The following CSMD2 variants were observed in gnomAD, a reference collection of about 807,000 sequenced individuals.
CSMD2 encodes CUB and sushi domain-containing protein 2.
In CSMD2, 130 loss-of-function variants were observed where a neutral mutation model predicts 398.5. The ratio of observed to expected loss-of-function variants is 0.33; its 90% CI spans 0.28 to 0.38. CSMD2 has a LOEUF of 0.38. Among genes scored for constraint, CSMD2 ranks in the 10% least tolerant of loss-of-function variants. CSMD2 has a pLI of 1.00. For missense variants in CSMD2, 3,829 were observed against 4,764.9 expected (o/e 0.80, Z 5.78); for synonymous variants, 1,828 against 1,908.5 (o/e 0.96, Z 1.10).
intron 2 of CSMD2, among the ~76,000 whole-genome samples, chr1:34,059,086 A>C (rs1419106966): frequency 1.3e-5 from 2 of 152,196 alleles, no homozygotes; most frequent in East Asian, 3.9e-4. Flanking sequence ...GACACAAGTA[A>C]GTGAGCAATG....
At chr1:34,058,168 A>G (rs1654069591) in intron 2 of CSMD2, among the ~76,000 whole-genome samples, 1 of 152,024 alleles carries the variant, frequency 6.6e-6, no homozygotes, top group South Asian at 2.1e-4. Flanking sequence ...TGCATCACAT[A>G]GGAGCTGGGT....
intron 2 of CSMD2, among the ~76,000 whole-genome samples, chr1:34,048,322 C>A (rs1464466191): frequency 1.3e-5 from 2 of 152,228 alleles, no homozygotes; most frequent in African/African-American, 4.8e-5. Context: ...TCTGTCAAGG[C>A]AGCCCTTAAA....
At chr1:33,984,860 A>AAGGC (rs149716735) in intron 3 of CSMD2, among the ~76,000 whole-genome samples, 66 of 149,830 alleles carry the variant, frequency 4.4e-4, no homozygotes, top group African/African-American at 6.7e-4. Context: ...GGAAGGAAGG[A>AAGGC]AGGCAGGCAG....
intron 3 of CSMD2, among the ~76,000 whole-genome samples, chr1:34,004,006 G>T (rs1264026004): frequency 1.3e-5 from 2 of 152,136 alleles, no homozygotes; most frequent in Admixed American, 1.3e-4. Context: ...CTGCCCTCTA[G>T]CCCCAGGAGA....
intron 13 of CSMD2, among the ~76,000 whole-genome samples, chr1:33,746,057 T>C (rs1325882748): frequency 1.3e-5 from 2 of 152,116 alleles, no homozygotes; most frequent in African/African-American, 4.8e-5. Flanking sequence ...CCCCCCACCA[T>C]GTCTCTCAGT....
chr1:33,689,227 G>A (rs1321708146), intron 25 of CSMD2, among the ~76,000 whole-genome samples: 1 of 152,154 alleles, frequency 6.6e-6, no homozygotes, highest in Non-Finnish European at 1.5e-5. Context: ...GTGGGAGAAT[G>A]AGGAAGGGAC....
intron 65 of CSMD2, among the ~76,000 whole-genome samples, chr1:33,526,843 C>T (rs1274271287): frequency 6.6e-6 from 1 of 152,222 alleles, no homozygotes; most frequent in Non-Finnish European, 1.5e-5. Flanking sequence ...CTATCTTAAA[C>T]TGTAACCATT....
intron 25 of CSMD2, among the ~76,000 whole-genome samples, chr1:33,683,947 C>T (rs141761130): frequency 5.3e-5 from 8 of 152,186 alleles, no homozygotes; most frequent in African/African-American, 1.7e-4. Flanking sequence ...CAGAAATAAA[C>T]CCTCTGGAAG....
Position 33,725,524 on chromosome 1 carries a change from C to T in CSMD2, c.2520G>A (p.Glu840=), listed in dbSNP as rs1202740588. The change falls in exon 17 of 71, where the codon GAG becomes GAA. Residue 840 remains glutamate, a synonymous_variant. Transcript: ENST00000373381. The part of the protein sequence containing the change: ...IKITFDRFKT[E]VNYDTLEVRD... Reference sequence around the variant, plus strand: ...GTACTTCCAGGGTGTCATAGTTGACCTCGGTTTTGAATCTGCCAAATGACA... The same window carrying T: ...GTACTTCCAGGGTGTCATAGTTGACTTCGGTTTTGAATCTGCCAAATGACA... 1.2e-6 allele frequency: 2 copies of T among 1,614,006 alleles called. No homozygotes were observed. The highest frequency in any genetic ancestry group is 2.7e-5 in the African/African-American group (2 of 74,910).
chr1:34,103,063 A>G (rs1229950719), intron 1 of CSMD2, among the ~76,000 whole-genome samples: 3 of 152,144 alleles, frequency 2.0e-5, no homozygotes, highest in Admixed American at 2.0e-4. Context: ...ATAAATGAAT[A>G]TTAATTGCCC....
chr1:33,787,442 C>A (rs1026963635), intron 12 of CSMD2, among the ~76,000 whole-genome samples: 13 of 152,166 alleles, frequency 8.5e-5, no homozygotes, highest in African/African-American at 3.1e-4. Context: ...CCCTAGTAGC[C>A]ACCTAGTCAT....
chr1:34,148,490 AATTCATTC>A (rs146702321), intron 1 of CSMD2, among the ~76,000 whole-genome samples: 1 of 152,150 alleles, frequency 6.6e-6, no homozygotes, highest in South Asian at 2.1e-4. Context: ...CTTGACGTGT[AATTCATTC>A]ATTCATTCAT....
In CSMD2 at chr1:33,867,860, G is replaced by T. The variant is rs1280963562; in HGVS notation, c.921-20864C>A. On this transcript the variant is annotated intron_variant, in intron 5 of 70. Transcript: ENST00000373381. ...TACCACACTCCTCTCTGGGAAGAGGGCCCCCACACAGCTAGGCCCCAGCTC... is the reference window on the plus strand; with the variant it reads ...TACCACACTCCTCTCTGGGAAGAGGTCCCCCACACAGCTAGGCCCCAGCTC... Among the ~76,000 whole-genome samples the T allele has an allele frequency of 2.0e-5, 3 of 152,208 alleles. No homozygotes were observed. In the South Asian group the frequency reaches 6.2e-4, roughly 32 times the overall value.
intron 5 of CSMD2, among the ~76,000 whole-genome samples, chr1:33,854,475 C>T (rs955102835): frequency 1.4e-4 from 21 of 152,312 alleles, no homozygotes; most frequent in African/African-American, 2.6e-4. Context: ...CAGTGCCACG[C>T]GGGCTTCACC....
chr1:34,075,584 A>G (rs1276997017), intron 2 of CSMD2, among the ~76,000 whole-genome samples: 5 of 152,244 alleles, frequency 3.3e-5, no homozygotes, highest in African/African-American at 1.2e-4. Context: ...AGTGTTTCCC[A>G]TAACTTGAGC....
intron 22 of CSMD2, among the ~76,000 whole-genome samples, chr1:33,705,326 T>A (rs201229616): frequency 1.4e-5 from 1 of 69,332 alleles, no homozygotes; most frequent in Non-Finnish European, 3.7e-5. Flanking sequence ...CACTGTAACG[T>A]GCAATACATC....
intron 12 of CSMD2, among the ~76,000 whole-genome samples, chr1:33,774,162 GAAC>G (rs759886185): frequency 3.3e-4 from 50 of 149,528 alleles, no homozygotes; most frequent in Non-Finnish European, 6.8e-4. Flanking sequence ...CATCTAAGTT[GAAC>G]AACAAGGGTC....
At chr1:33,522,884 G>C (rs531912332) in intron 67 of CSMD2, among the ~76,000 whole-genome samples, 1 of 152,314 alleles carries the variant, frequency 6.6e-6, no homozygotes, top group South Asian at 2.1e-4. Flanking sequence ...CCATGTCCTG[G>C]TCTCTCAAGC....
chr1:33,583,425 G>T (rs182579120), intron 47 of CSMD2, among the ~76,000 whole-genome samples: 1 of 152,282 alleles, frequency 6.6e-6, no homozygotes, highest in African/African-American at 2.4e-5. Flanking sequence ...GTAAGAAAAG[G>T]TTCGGTAACA....
Sources: allele counts gnomAD v4.1 joint callset (sites outside exome capture counted in the v4.1 genomes callset), GRCh38; gene constraint gnomAD v4.1.1; transcripts MANE v1.5; gene names NCBI Gene and HGNC (gene_info 2026-07-23, HGNC 2026-07-21).